WWOX: variants seen among roughly 807,000 people sequenced by gnomAD.
The protein encoded by WWOX is WW domain containing oxidoreductase, also known as WW domain-containing oxidoreductase.
WWOX carries 69 observed loss-of-function variants against 46.2 expected under a neutral mutation model. The ratio of observed to expected loss-of-function variants is 1.49; its 90% CI spans 1.23 to 1.82. The LOEUF is 1.82. WWOX is among the 40% of genes most tolerant of loss of function. WWOX has a pLI of 0.00. For synonymous variants in WWOX, 359 were observed against 202.6 expected, an observed-to-expected ratio of 1.77 and a Z score of -6.56; for missense variants, 919 against 542.6, an observed-to-expected ratio of 1.69 and a Z score of -6.89.
In WWOX at chr16:79,211,015, G is replaced by C. The variant is rs1426116003; in HGVS notation, c.1057-593G>C. 1.4e-5 allele frequency among the ~76,000 whole-genome samples: 2 copies of C among 138,850 alleles called. 1 individual carries two copies. Among genetic ancestry groups the C allele is most frequent in the African/African-American group, 5.4e-5 (2 of 37,348 alleles). 91.1% of individuals were successfully genotyped at this position (138,850 alleles called of 152,430 possible). On this transcript the variant is annotated intron_variant, in intron 8 of 8. Coordinates refer to ENST00000566780, the MANE Select transcript of WWOX (RefSeq NM_016373.4). ...TTAATGTGTTATGTGTTTGTGCTAA[G>C]TATGAATGTATGGTGAGGAGTGTGT...
At chr16:78,577,362 G>C (rs1168877471) in intron 8 of WWOX, among the ~76,000 whole-genome samples, 2 of 152,168 alleles carry the variant, frequency 1.3e-5, no homozygotes, top group Admixed American at 6.5e-5. Flanking sequence ...CTTCAGAACA[G>C]AGCTTTTAAA....
intron 8 of WWOX, among the ~76,000 whole-genome samples, chr16:79,164,369 G>C (rs1364492437): frequency 6.6e-6 from 1 of 152,150 alleles, no homozygotes; most frequent in Non-Finnish European, 1.5e-5. Context: ...TCCACATTGA[G>C]TGAATTTTAT....
At chr16:78,636,138 C>G (rs779939218) in intron 8 of WWOX, among the ~76,000 whole-genome samples, 1 of 151,960 alleles carries the variant, frequency 6.6e-6, no homozygotes. Context: ...GTTTCTGGCT[C>G]CAGTTTAATA....
intron 8 of WWOX, among the ~76,000 whole-genome samples, chr16:78,468,667 C>G (rs977025119): frequency 6.6e-6 from 1 of 152,134 alleles, no homozygotes; most frequent in South Asian, 2.1e-4. Context: ...AGTTCATGGA[C>G]CTAGCCTACG....
At chr16:78,956,821 C>G (rs1417860274) in intron 8 of WWOX, among the ~76,000 whole-genome samples, 1 of 152,296 alleles carries the variant, frequency 6.6e-6, no homozygotes, top group Non-Finnish European at 1.5e-5. Flanking sequence ...GTCACGAAGG[C>G]ATGCTGTGCC....
chr16:78,709,658 C>T (rs531444071), intron 8 of WWOX, among the ~76,000 whole-genome samples: 58 of 152,112 alleles, frequency 3.8e-4, no homozygotes, highest in Non-Finnish European at 6.8e-4. Flanking sequence ...AACCAACTGC[C>T]CTGTGATTCC....
At chr16:78,736,377 A>T (rs189811190) in intron 8 of WWOX, among the ~76,000 whole-genome samples, 1 of 152,232 alleles carries the variant, frequency 6.6e-6, no homozygotes, top group Non-Finnish European at 1.5e-5. Context: ...AAGGTCACAA[A>T]AGCTAGGAAA....
At chr16:79,183,162 G>C (rs577440077) in intron 8 of WWOX, among the ~76,000 whole-genome samples, 1 of 152,230 alleles carries the variant, frequency 6.6e-6, no homozygotes, top group African/African-American at 2.4e-5. Context: ...GGCGTGAGCA[G>C]AGCAGGTGGC....
intron 5 of WWOX, among the ~76,000 whole-genome samples, chr16:78,261,383 C>A (rs893950534): frequency 6.8e-6 from 1 of 147,200 alleles, no homozygotes; most frequent in Non-Finnish European, 1.5e-5. Flanking sequence ...CTAGCCTAGG[C>A]GACAGAGCAA....
intron 4 of WWOX, among the ~76,000 whole-genome samples, chr16:78,144,948 A>T (rs1224463569): frequency 6.6e-6 from 1 of 152,204 alleles, no homozygotes; most frequent in Non-Finnish European, 1.5e-5. Context: ...ACAGCTCTTA[A>T]GAGTACATCT....
At chr16:78,428,410 A>T (rs1181444425) in intron 7 of WWOX, among the ~76,000 whole-genome samples, 1 of 152,180 alleles carries the variant, frequency 6.6e-6, no homozygotes, top group Admixed American at 6.5e-5. Flanking sequence ...AGCTAATGAG[A>T]CTGTAAAAGT....
At chr16:78,492,782 T>C (rs1371214275) in intron 8 of WWOX, among the ~76,000 whole-genome samples, 2 of 152,202 alleles carry the variant, frequency 1.3e-5, no homozygotes, top group East Asian at 3.9e-4. Context: ...GGTGTGTTTG[T>C]TTTCCACCAT....
At chr16:78,335,227 T>TA (rs1281536967) in intron 5 of WWOX, among the ~76,000 whole-genome samples, 2 of 152,206 alleles carry the variant, frequency 1.3e-5, no homozygotes, top group African/African-American at 4.8e-5. Flanking sequence ...GAGATCAACT[T>TA]ATCACCTGGA....
At chr16:78,675,530 C>G (rs1041058720) in intron 8 of WWOX, among the ~76,000 whole-genome samples, 9 of 152,156 alleles carry the variant, frequency 5.9e-5, no homozygotes, top group Non-Finnish European at 8.8e-5. Context: ...AACCATTTCA[C>G]AAATATTTAT....
At chr16:79,122,601 C>G (rs2049661457) in intron 8 of WWOX, among the ~76,000 whole-genome samples, 1 of 150,866 alleles carries the variant, frequency 6.6e-6, no homozygotes, top group Non-Finnish European at 1.5e-5. Flanking sequence ...TCTTTCTTTC[C>G]TCCCTCCCAT....
At chr16:78,419,625 C>CAAAAAAAAAAAAAAAAAAAAAAAAAAA in intron 6 of WWOX, among the ~76,000 whole-genome samples, 1 of 44,692 alleles carries the variant, frequency 2.2e-5, no homozygotes, top group Admixed American at 2.7e-4. Context: ...CAAAAAATAG[C>CAAAAAAAAAAAAAAAAAAAAAAAAAAA]AAAAAAAAAA....
chr16:78,484,998 A>T (rs145131613), intron 8 of WWOX, among the ~76,000 whole-genome samples: 1 of 152,072 alleles, frequency 6.6e-6, no homozygotes, highest in African/African-American at 2.4e-5. Flanking sequence ...TGAGCTGACT[A>T]ACACCTTATA....
At chr16:78,682,046 G>A (rs2047742542) in intron 8 of WWOX, among the ~76,000 whole-genome samples, 3 of 152,100 alleles carry the variant, frequency 2.0e-5, no homozygotes, top group Non-Finnish European at 4.4e-5. Flanking sequence ...TGTTCTCCAT[G>A]CTCCAAATGA....
intron 8 of WWOX, among the ~76,000 whole-genome samples, chr16:79,159,918 G>C (rs569948601): frequency 2.6e-5 from 4 of 152,218 alleles, no homozygotes; most frequent in African/African-American, 9.6e-5. Flanking sequence ...TCATTTGGAG[G>C]GGTGATCTGA....
Sources: allele counts gnomAD v4.1 joint callset (sites outside exome capture counted in the v4.1 genomes callset), GRCh38; gene constraint gnomAD v4.1.1; transcripts MANE v1.5; gene names NCBI Gene and HGNC (gene_info 2026-07-23, HGNC 2026-07-21).